Variants in HS6ST3 observed in about 807,000 individuals in gnomAD.
HS6ST3 encodes heparan-sulfate 6-O-sulfotransferase 3.
Under a neutral mutation model 36.7 loss-of-function variants are expected in HS6ST3, and 12 were observed. The ratio of observed to expected loss-of-function variants is 0.33; its 90% CI spans 0.21 to 0.53. The LOEUF (loss-of-function observed/expected upper bound fraction) is 0.53, where lower values mean the gene tolerates loss of function less well. HS6ST3 is among the 20% of genes least tolerant of loss of function. The pLI is 0.95. For synonymous variants in HS6ST3, 240 were observed against 257.5 expected, an observed-to-expected ratio of 0.93 and a Z score of 0.65; for missense variants, 584 against 640.9, an observed-to-expected ratio of 0.91 and a Z score of 0.96.
intron 1 of HS6ST3, among the ~76,000 whole-genome samples, chr13:96,536,494 A>G (rs1379115131): frequency 1.3e-5 from 2 of 152,240 alleles, no homozygotes; most frequent in Admixed American, 1.3e-4. Flanking sequence ...TTAGAGAAAA[A>G]TTCTGTACAG....
At chr13:96,678,263 CCT>C in intron 1 of HS6ST3, among the ~76,000 whole-genome samples, 1 of 152,290 alleles carries the variant, frequency 6.6e-6, no homozygotes, top group Admixed American at 6.5e-5. Context: ...GGTCTATTCA[CCT>C]CTCTTTAGGC....
chr13:96,726,963 T>G (rs1876021696), intron 1 of HS6ST3, among the ~76,000 whole-genome samples: 2 of 152,198 alleles, frequency 1.3e-5, no homozygotes, highest in Admixed American at 1.3e-4. Context: ...ATGTGCTTTC[T>G]TTGCTACTCT....
intron 1 of HS6ST3, among the ~76,000 whole-genome samples, chr13:96,308,543 A>C (rs921626778): frequency 3.9e-5 from 6 of 152,102 alleles, no homozygotes; most frequent in Admixed American, 1.3e-4. Context: ...CTTATGTAAA[A>C]GACTTTAACG....
At chr13:96,621,479 C>T (rs963485068) in intron 1 of HS6ST3, among the ~76,000 whole-genome samples, 1 of 152,126 alleles carries the variant, frequency 6.6e-6, no homozygotes, top group African/African-American at 2.4e-5. Flanking sequence ...GGCCTCCCAG[C>T]CATGTGGAAC....
At chr13:96,340,778 T>C (rs547365406) in intron 1 of HS6ST3, among the ~76,000 whole-genome samples, 2 of 152,250 alleles carry the variant, frequency 1.3e-5, no homozygotes, top group Non-Finnish European at 2.9e-5. Context: ...ATATAAGAGA[T>C]GGTCAGTATG....
intron 1 of HS6ST3, among the ~76,000 whole-genome samples, chr13:96,148,762 A>G (rs978797630): frequency 6.6e-6 from 1 of 152,236 alleles, no homozygotes; most frequent in African/African-American, 2.4e-5. Context: ...AAACCCAGGT[A>G]GCTACACAGA....
intron 1 of HS6ST3, among the ~76,000 whole-genome samples, chr13:96,180,183 G>A (rs940681562): frequency 1.3e-5 from 2 of 151,972 alleles, no homozygotes; most frequent in African/African-American, 4.8e-5. Flanking sequence ...CAACTATGCG[G>A]ACATACACAC....
At chr13:96,757,190 C>T (rs761440108) in intron 1 of HS6ST3, among the ~76,000 whole-genome samples, 2 of 152,134 alleles carry the variant, frequency 1.3e-5, no homozygotes, top group Non-Finnish European at 2.9e-5. Context: ...AATGTAATCA[C>T]GGAAATGGCA....
chr13:96,557,895 A>T (rs1437268855), intron 1 of HS6ST3, among the ~76,000 whole-genome samples: 3 of 152,164 alleles, frequency 2.0e-5, no homozygotes, highest in Non-Finnish European at 4.4e-5. Flanking sequence ...TAGGCAAGAT[A>T]GTTAACCTCT....
chr13:96,525,875 C>T (rs1346071603), intron 1 of HS6ST3, among the ~76,000 whole-genome samples: 1 of 152,166 alleles, frequency 6.6e-6, no homozygotes, highest in Admixed American at 6.5e-5. Context: ...TGTTCCTGAC[C>T]TCAAGAACTT....
chr13:96,390,697 C>T (rs1316442310), intron 1 of HS6ST3, among the ~76,000 whole-genome samples: 2 of 152,164 alleles, frequency 1.3e-5, no homozygotes, highest in Non-Finnish European at 2.9e-5. Flanking sequence ...TCACCAAATC[C>T]TGCTATTTTT....
At chr13:96,439,309 A>G (rs2055658479) in intron 1 of HS6ST3, among the ~76,000 whole-genome samples, 2 of 152,214 alleles carry the variant, frequency 1.3e-5, no homozygotes, top group African/African-American at 2.4e-5. Context: ...GTGTATTTCT[A>G]AAAGTATAAA....
intron 1 of HS6ST3, among the ~76,000 whole-genome samples, chr13:96,585,444 A>G (rs1034760853): frequency 6.6e-6 from 1 of 152,168 alleles, no homozygotes; most frequent in African/African-American, 2.4e-5. Flanking sequence ...GCTAATTAAC[A>G]TATCCATTAT....
chr13:96,754,456 C>A (rs1487741049), intron 1 of HS6ST3, among the ~76,000 whole-genome samples: 1 of 152,298 alleles, frequency 6.6e-6, no homozygotes, highest in East Asian at 1.9e-4. Context: ...GAAGAGCTCA[C>A]ACGCTAATTA....
intron 1 of HS6ST3, among the ~76,000 whole-genome samples, chr13:96,267,568 T>C (rs1294042934): frequency 6.6e-6 from 1 of 150,458 alleles, no homozygotes; most frequent in East Asian, 1.9e-4. Context: ...TGTTAGTCTT[T>C]CCAAGGCACT....
intron 1 of HS6ST3, among the ~76,000 whole-genome samples, chr13:96,631,858 A>T (rs1422114885): frequency 6.6e-6 from 1 of 152,216 alleles, no homozygotes; most frequent in Non-Finnish European, 1.5e-5. Context: ...CTGCCTTGAA[A>T]TCAAAATCAG....
chr13:96,778,444 C>A (rs576429109), intron 1 of HS6ST3, among the ~76,000 whole-genome samples: 1 of 152,242 alleles, frequency 6.6e-6, no homozygotes, highest in East Asian at 1.9e-4. Flanking sequence ...GGGTTAATAT[C>A]TGGAATCTAC....
At chr13:96,586,934 A>G (rs759884226) in intron 1 of HS6ST3, among the ~76,000 whole-genome samples, 14 of 152,130 alleles carry the variant, frequency 9.2e-5, no homozygotes, top group Non-Finnish European at 2.1e-4. Context: ...ATGTCTTCCA[A>G]TGAAGTCTTC....
intron 1 of HS6ST3, among the ~76,000 whole-genome samples, chr13:96,703,534 G>A (rs1875343019): frequency 6.6e-6 from 1 of 152,190 alleles, no homozygotes; most frequent in African/African-American, 2.4e-5. Context: ...TATGTCTAAA[G>A]TGGGGATAAC....
Sources: gnomAD v4.1 joint callset for allele counts (sites outside exome capture counted in the v4.1 genomes callset) on GRCh38, gnomAD v4.1.1 for gene constraint, MANE v1.5 for transcripts, NCBI Gene and HGNC (gene_info 2026-07-23, HGNC 2026-07-21) for gene names.